SEMA5A: variants seen among roughly 807,000 people sequenced by gnomAD.
The protein encoded by SEMA5A is semaphorin-5A.
In SEMA5A, 55 loss-of-function variants were observed where a neutral mutation model predicts 135.5. The ratio of observed to expected loss-of-function variants is 0.41; its 90% confidence interval spans 0.33 to 0.51. SEMA5A has a LOEUF of 0.51. Among genes scored for constraint, SEMA5A ranks in the 20% least tolerant of loss-of-function variants. The probability of loss-of-function intolerance (pLI) is 0.37; values close to 1 mark genes in which losing one functional copy is unlikely to be tolerated. For synonymous variants in SEMA5A, 580 were observed against 546.5 expected (o/e 1.06, Z -0.85); for missense variants, 1,290 against 1,419.9 (o/e 0.91, Z 1.47).
chr5:9,301,929 G>T (rs1228155283), intron 5 of SEMA5A, among the ~76,000 whole-genome samples: 1 of 152,062 alleles, frequency 6.6e-6, no homozygotes, highest in Non-Finnish European at 1.5e-5. Flanking sequence ...ACTCAAGGTG[G>T]TAGCAGAGCT....
At chr5:9,477,942 T>C (rs268514) in intron 1 of SEMA5A, among the ~76,000 whole-genome samples, 64,299 of 152,092 alleles carry the variant, frequency 0.42, 14,071 homozygotes, top group Non-Finnish European at 0.46. Context: ...CAGGCCCTCC[T>C]ATCACAGGCC....
chr5:9,249,025 G>A (rs766942301), intron 5 of SEMA5A, among the ~76,000 whole-genome samples: 3 of 152,180 alleles, frequency 2.0e-5, no homozygotes, highest in Non-Finnish European at 4.4e-5. Flanking sequence ...ACACTCAAGC[G>A]AGTTTAGGAG....
At chr5:9,277,817 G>A (rs1007127102) in intron 5 of SEMA5A, among the ~76,000 whole-genome samples, 8 of 152,128 alleles carry the variant, frequency 5.3e-5, no homozygotes, top group South Asian at 2.1e-4. Flanking sequence ...AGGGGGGTGC[G>A]GGGCTAGGGG....
intron 1 of SEMA5A, among the ~76,000 whole-genome samples, chr5:9,499,165 G>A (rs1735457489): frequency 6.6e-6 from 1 of 152,112 alleles, no homozygotes; most frequent in Non-Finnish European, 1.5e-5. Context: ...TGGTTAACTG[G>A]CCCCTAGAGA....
intron 16 of SEMA5A, among the ~76,000 whole-genome samples, chr5:9,090,243 T>C (rs1010561208): frequency 6.6e-6 from 1 of 152,160 alleles, no homozygotes; most frequent in Non-Finnish European, 1.5e-5. Flanking sequence ...ACTTTCAGGA[T>C]AGCAATGCCT....
chr5:9,289,854 G>C (rs1308099666), intron 5 of SEMA5A, among the ~76,000 whole-genome samples: 5 of 152,068 alleles, frequency 3.3e-5, no homozygotes, highest in Non-Finnish European at 2.9e-5. Context: ...TGAGCTTAAA[G>C]TCCACTGAAA....
In SEMA5A at chr5:9,231,509, G is replaced by T. The variant is rs772962650; in HGVS notation, c.334-4542C>A. 9.7e-4 allele frequency among the ~76,000 whole-genome samples: 140 copies of T among 144,418 alleles called. 2 individuals carry two copies. The highest frequency in any genetic ancestry group is 1.4e-3 in the Non-Finnish European group (96 of 66,766). The allele number at this position is 144,418 out of a possible 152,430, so 94.7% of individuals were successfully genotyped here. On this transcript the variant is annotated intron_variant, in intron 6 of 22. Transcript: ENST00000382496. Reference sequence around the variant, plus strand: ...AAAAAAAAAATGGAAATGAGTAACCGTTCCAGGCTGTGTAATAATTAGTCT... The same window carrying T: ...AAAAAAAAAATGGAAATGAGTAACCTTTCCAGGCTGTGTAATAATTAGTCT...
At chr5:9,369,328 G>A (rs937463031) in intron 3 of SEMA5A, among the ~76,000 whole-genome samples, 6 of 152,030 alleles carry the variant, frequency 3.9e-5, no homozygotes, top group Non-Finnish European at 5.9e-5. Flanking sequence ...TGGTGTCTTC[G>A]AAGAGAAAAT....
At chr5:9,399,795 A>G (rs1579477618) in intron 2 of SEMA5A, among the ~76,000 whole-genome samples, 1 of 152,120 alleles carries the variant, frequency 6.6e-6, no homozygotes, top group Non-Finnish European at 1.5e-5. Context: ...AGGGGCTTCC[A>G]CAGTGGTGTT....
At chr5:9,102,514 G>A (rs949629094) in intron 16 of SEMA5A, among the ~76,000 whole-genome samples, 1 of 152,096 alleles carries the variant, frequency 6.6e-6, no homozygotes, top group Non-Finnish European at 1.5e-5. Context: ...AGGATATAGA[G>A]TCTTACAAGA....
chr5:9,218,397 C>T (rs1249240879), intron 8 of SEMA5A, among the ~76,000 whole-genome samples: 5 of 152,062 alleles, frequency 3.3e-5, no homozygotes, highest in African/African-American at 1.2e-4. Flanking sequence ...CAGAACAGTG[C>T]CCAGTATATG....
intron 6 of SEMA5A, among the ~76,000 whole-genome samples, chr5:9,237,253 G>A (rs750763726): frequency 1.4e-4 from 21 of 152,130 alleles, no homozygotes; most frequent in Non-Finnish European, 2.6e-4. Context: ...AAAGAATCAC[G>A]CATCTTTTTG....
chr5:9,503,411 G>A (rs1735695661), intron 1 of SEMA5A, among the ~76,000 whole-genome samples: 1 of 152,212 alleles, frequency 6.6e-6, no homozygotes, highest in Non-Finnish European at 1.5e-5. Flanking sequence ...AGGAGGTGGT[G>A]TCCTAGAGAC....
chr5:9,520,466 G>C (rs146495873), intron 1 of SEMA5A, among the ~76,000 whole-genome samples: 2 of 152,266 alleles, frequency 1.3e-5, no homozygotes, highest in East Asian at 3.9e-4. Flanking sequence ...AGTCAGAGGG[G>C]CTTAGAAGGT....
chr5:9,421,672 C>T (rs1579513527), intron 2 of SEMA5A, among the ~76,000 whole-genome samples: 1 of 152,244 alleles, frequency 6.6e-6, no homozygotes, highest in South Asian at 2.1e-4. Context: ...AATCAGCATC[C>T]TTACCTGTCA....
At chr5:9,477,593 G>A (rs1759716847) in intron 1 of SEMA5A, among the ~76,000 whole-genome samples, 1 of 152,208 alleles carries the variant, frequency 6.6e-6, no homozygotes, top group Non-Finnish European at 1.5e-5. Context: ...AAAGAGACTG[G>A]TGGCATTGTG....
chr5:9,372,634 C>T (rs1466996978), intron 3 of SEMA5A, among the ~76,000 whole-genome samples: 1 of 152,032 alleles, frequency 6.6e-6, no homozygotes, highest in Admixed American at 6.5e-5. Flanking sequence ...GTGGGAGACA[C>T]ATAGTGCCAT....
intron 1 of SEMA5A, among the ~76,000 whole-genome samples, chr5:9,534,592 G>A (rs755310314): frequency 7.2e-5 from 11 of 151,988 alleles, no homozygotes; most frequent in African/African-American, 2.2e-4. Flanking sequence ...ACCAGAAAGC[G>A]GTCCCGATCC....
rs150682707 is a variant in SEMA5A at position 9,387,802 on chromosome 5, T to G, written c.-77-7779A>C. On this transcript the variant is annotated intron_variant, in intron 2 of 22. Coordinates refer to ENST00000382496, the MANE Select transcript of SEMA5A (RefSeq NM_003966.3). ...AACGATAACTGAACATTTTATTATT[T>G]GGGAAATACAGTGAAATTAAAGGTT... Among the ~76,000 whole-genome samples, 319 of 152,372 alleles carry G rather than the reference T, an allele frequency of 2.1e-3. 2 individuals carry two copies. The highest frequency in any genetic ancestry group is 7.2e-3 in the African/African-American group (299 of 41,592).
Sources: allele counts gnomAD v4.1 joint callset (sites outside exome capture counted in the v4.1 genomes callset), GRCh38; gene constraint gnomAD v4.1.1; transcripts MANE v1.5; gene names NCBI Gene and HGNC (gene_info 2026-07-23, HGNC 2026-07-21).